INPP5A: variants seen among roughly 807,000 people sequenced by gnomAD.
INPP5A encodes the protein 43 kDa inositol polyphosphate 5-phophatase.
A neutral mutation model predicts 65.2 loss-of-function variants in INPP5A; 14 were observed. That is an observed-to-expected ratio of 0.21 (90% confidence interval 0.14 to 0.34). The LOEUF (loss-of-function observed/expected upper bound fraction) is 0.34, where lower values mean the gene tolerates loss of function less well. Ranked by LOEUF, INPP5A falls within the 10% of genes least tolerant of loss-of-function variation. The pLI is 1.00. For synonymous variants in INPP5A, 207 were observed against 208.3 expected, an observed-to-expected ratio of 0.99 and a Z score of 0.05; for missense variants, 431 against 545.6, an observed-to-expected ratio of 0.79 and a Z score of 2.09.
chr10:132,576,892 G>GA (rs753257648), intron 1 of INPP5A, among the ~76,000 whole-genome samples: 8 of 152,214 alleles, frequency 5.3e-5, no homozygotes, highest in Non-Finnish European at 1.0e-4. Flanking sequence ...GGGCCACCAG[G>GA]ATGTGCTCTG....
At chr10:132,683,589 G>C (rs1043122824) in intron 4 of INPP5A, among the ~76,000 whole-genome samples, 1 of 152,240 alleles carries the variant, frequency 6.6e-6, no homozygotes, top group Admixed American at 6.5e-5. Flanking sequence ...CTGGATGCTT[G>C]TTATCTCTGA....
intron 9 of INPP5A, among the ~76,000 whole-genome samples, chr10:132,729,666 C>T (rs57625313): frequency 0.034 from 5,205 of 152,326 alleles, 286 homozygotes; most frequent in African/African-American, 0.12. Context: ...CAGCCCTCTG[C>T]GCTGCTGAAG....
chr10:132,625,876 G>T (rs865837730), intron 2 of INPP5A, among the ~76,000 whole-genome samples: 6 of 136,940 alleles, frequency 4.4e-5, no homozygotes, highest in Non-Finnish European at 6.3e-5. Context: ...GTGTGTGTGT[G>T]TTTGTGTGTG....
chr10:132,677,045 A>G (rs11146460), intron 4 of INPP5A, among the ~76,000 whole-genome samples: 3,454 of 47,324 alleles, frequency 0.073, 205 homozygotes, highest in African/African-American at 0.1. Flanking sequence ...GACCCCCACC[A>G]TCACCCAGGC....
chr10:132,769,631 C>T (rs565896033), intron 12 of INPP5A, among the ~76,000 whole-genome samples: 509 of 152,326 alleles, frequency 3.3e-3, no homozygotes, highest in Non-Finnish European at 5.9e-3. Context: ...AACCAGGCGG[C>T]TATGAGTGGA....
intron 11 of INPP5A, among the ~76,000 whole-genome samples, chr10:132,755,874 G>A (rs1020063133): frequency 6.6e-6 from 1 of 152,160 alleles, no homozygotes; most frequent in African/African-American, 2.4e-5. Flanking sequence ...AGTGGTGACA[G>A]TGAAGCCATC....
At chr10:132,717,847 G>C (rs1347519804) in intron 8 of INPP5A, among the ~76,000 whole-genome samples, 1 of 144,608 alleles carries the variant, frequency 6.9e-6, no homozygotes, top group African/African-American at 2.8e-5. Context: ...GCTGTCTTGC[G>C]GGTTCTGTGG....
chr10:132,662,553 G>A (rs189099043), intron 4 of INPP5A, among the ~76,000 whole-genome samples: 8 of 152,318 alleles, frequency 5.3e-5, no homozygotes, highest in Admixed American at 4.6e-4. Flanking sequence ...AAACAAGTCT[G>A]TAATGACAGA....
At position 132,782,556 on chromosome 10, in the gene INPP5A, A is replaced by G. The variant is rs1263778965; in HGVS notation, c.*527A>G. The stretch of plus-strand genomic sequence containing the variant: ...CGGCACTGACTCTGCGCCGTGTCAC[A>G]TGGTTTTTGAATCACACTGCAGCTG... On this transcript the variant is annotated 3_prime_UTR_variant, in exon 16 of 16. Coordinates refer to ENST00000368594, the MANE Select transcript of INPP5A (RefSeq NM_005539.5). This position sits in a 1 kb window ranked among gnomAD's most constrained non-coding sequence, Gnocchi z 4.4. 2.0e-5 allele frequency: 3 copies of G among 153,246 alleles called. No individual in the cohort carries two copies. The highest frequency in any genetic ancestry group is 2.9e-5 in the Non-Finnish European group (2 of 68,916). The allele number at this position is 153,246 out of a possible 1,614,324, so 9.5% of individuals were successfully genotyped here.
At position 132,650,750 on chromosome 10, in the gene INPP5A, G is replaced by T. The variant is rs998092973; in HGVS notation, c.306+245G>T. On this transcript the variant is annotated intron_variant, in intron 4 of 15. Transcript: ENST00000368594. This position sits in a 1 kb window ranked among gnomAD's most constrained non-coding sequence, Gnocchi z 5.5. ...TGGGGCTCCAGACCAAGCCCAAGAG[G>T]GAATTGGGGAGTGACAGGTGGGGAG... 6.6e-6 allele frequency among the ~76,000 whole-genome samples: 1 copy of T among 152,212 alleles called. No individual in the cohort carries two copies. The highest frequency in any genetic ancestry group is 2.4e-5 in the African/African-American group (1 of 41,454).
At chr10:132,714,165 G>A (rs931212872) in intron 8 of INPP5A, among the ~76,000 whole-genome samples, 6 of 152,194 alleles carry the variant, frequency 3.9e-5, no homozygotes, top group African/African-American at 1.2e-4. Context: ...CCATGGCTCC[G>A]CGGCCTCAAG....
At chr10:132,582,661 CCCT>C (rs535625655) in intron 1 of INPP5A, among the ~76,000 whole-genome samples, 42 of 152,270 alleles carry the variant, frequency 2.8e-4, no homozygotes, top group Non-Finnish European at 5.6e-4. Flanking sequence ...GCTCAAGCAG[CCCT>C]CCTGCATCGA....
chr10:132,654,997 T>C (rs949839767), intron 4 of INPP5A, among the ~76,000 whole-genome samples: 3 of 152,236 alleles, frequency 2.0e-5, no homozygotes, highest in Non-Finnish European at 4.4e-5. Flanking sequence ...GCGCGGTGGC[T>C]CACGCCGGTA....
intron 9 of INPP5A, among the ~76,000 whole-genome samples, chr10:132,742,665 C>G (rs1316283061): frequency 1.3e-5 from 2 of 152,174 alleles, no homozygotes; most frequent in Admixed American, 6.5e-5. Context: ...CCCCGTGAAA[C>G]AAAAAGTGCC....
chr10:132,773,842 G>A (rs1166705639), intron 12 of INPP5A, among the ~76,000 whole-genome samples: 1 of 152,192 alleles, frequency 6.6e-6, no homozygotes, highest in East Asian at 1.9e-4. Flanking sequence ...CCTCACTGCA[G>A]CCCCATCTTC....
rs1263375292 is a variant in INPP5A at position 132,698,711 on chromosome 10, G to A, written c.474+792G>A. On this transcript the variant is annotated intron_variant, in intron 6 of 15. Coordinates refer to ENST00000368594, the MANE Select transcript of INPP5A (RefSeq NM_005539.5). The surrounding 1 kb of genome is among the most constrained non-coding windows in gnomAD (Gnocchi z 5.5). ...CCCAGGCACTGAGACGGAAGAGCTG[G>A]CAGCTGGACGCAGGTTTGGGGGCGT... Among the ~76,000 whole-genome samples the A allele has an allele frequency of 2.0e-5, 3 of 152,194 alleles. No homozygotes were observed. The highest frequency in any genetic ancestry group is 7.2e-5 in the African/African-American group (3 of 41,430).
In INPP5A at chr10:132,603,334, T is replaced by C. The variant is rs2071800742; in HGVS notation, c.76-4581T>C. The stretch of plus-strand genomic sequence containing the variant: ...CATTTTATAAGGTCTGTTTCTCCCT[T>C]CCCTTCAGAATATGCACTATAGAAA... On this transcript the variant is annotated intron_variant, in intron 1 of 15. Transcript: ENST00000368594. The surrounding 1 kb of genome is among the most constrained non-coding windows in gnomAD (Gnocchi z 4.2). Among the ~76,000 whole-genome samples the C allele has an allele frequency of 6.6e-6, 1 of 152,200 alleles. No individual in the cohort carries two copies. The highest frequency in any genetic ancestry group is 6.5e-5 in the Admixed American group (1 of 15,278).
Position 132,698,545 on chromosome 10 carries a change from G to A in INPP5A, c.474+626G>A, listed in dbSNP as rs944080697. Among the ~76,000 whole-genome samples the A allele has an allele frequency of 1.3e-5, 2 of 152,228 alleles. No individual in the cohort carries two copies. The highest frequency in any genetic ancestry group is 4.8e-5 in the African/African-American group (2 of 41,450). On this transcript the variant is annotated intron_variant, in intron 6 of 15. Coordinates refer to ENST00000368594, the MANE Select transcript of INPP5A (RefSeq NM_005539.5). This position sits in a 1 kb window ranked among gnomAD's most constrained non-coding sequence, Gnocchi z 5.5. ...TGTGCGCGGCTGTTGCTCTGTGCAC[G>A]TGATCTTTGGGTAAACCTCACACGC...
chr10:132,750,166 G>C (rs1282049808), intron 11 of INPP5A, among the ~76,000 whole-genome samples: 1 of 152,258 alleles, frequency 6.6e-6, no homozygotes, highest in Non-Finnish European at 1.5e-5. Flanking sequence ...TTGTCTCAGA[G>C]TGAACCGGCC....
Sources: gnomAD v4.1 joint callset for allele counts (sites outside exome capture counted in the v4.1 genomes callset) on GRCh38, gnomAD v4.1.1 for gene constraint, Gnocchi (gnomAD v3.1) non-coding constraint, MANE v1.5 for transcripts, NCBI Gene and HGNC (gene_info 2026-07-23, HGNC 2026-07-21) for gene names.